Variants in ZRANB3 observed in about 807,000 individuals in gnomAD.
The protein encoded by ZRANB3 is zinc finger RANBP2-type containing 3, also known as DNA annealing helicase and endonuclease ZRANB3.
A neutral mutation model predicts 133.8 loss-of-function variants in ZRANB3; 125 were observed. The ratio of observed to expected loss-of-function variants is 0.93; its 90% CI spans 0.81 to 1.08. ZRANB3 has a LOEUF of 1.08. Ranked by LOEUF, ZRANB3 falls within the 50% of genes least tolerant of loss-of-function variation. The pLI is 0.00. For missense variants in ZRANB3, 1,229 were observed against 1,275.5 expected, an observed-to-expected ratio of 0.96 and a Z score of 0.56; for synonymous variants, 387 against 432.7, an observed-to-expected ratio of 0.89 and a Z score of 1.31.
intron 6 of ZRANB3, among the ~76,000 whole-genome samples, chr2:135,318,327 C>A (rs1022360935): frequency 2.7e-5 from 4 of 147,832 alleles, no homozygotes; most frequent in African/African-American, 1.0e-4. Context: ...TAGGTTTTGG[C>A]CTTTATTTTT....
At chr2:135,347,921 G>C (rs1229813084) in intron 5 of ZRANB3, among the ~76,000 whole-genome samples, 1 of 152,008 alleles carries the variant, frequency 6.6e-6, no homozygotes, top group Non-Finnish European at 1.5e-5. Context: ...AAAAGTAAGA[G>C]CAAACAACCC....
At chr2:135,433,416 A>C (rs1465935392) in intron 2 of ZRANB3, among the ~76,000 whole-genome samples, 1 of 152,122 alleles carries the variant, frequency 6.6e-6, no homozygotes, top group Non-Finnish European at 1.5e-5. Context: ...AAAAACAGCA[A>C]AGAAATCAAA....
At chr2:135,455,379 G>A (rs1243930069) in intron 2 of ZRANB3, among the ~76,000 whole-genome samples, 5 of 150,746 alleles carry the variant, frequency 3.3e-5, no homozygotes, top group Admixed American at 2.6e-4. Context: ...CTAGAGACGG[G>A]GTTTCGCCAC....
At position 135,417,463 on chromosome 2, in the gene ZRANB3, A is replaced by T. The variant is rs530025289; in HGVS notation, c.162-26643T>A. ...AATCATTAAAAAGTCAGGAAACAAC[A>T]AGTGCTGGAGAGGATGTGGAGAAAT... On this transcript the variant is annotated intron_variant, in intron 2 of 20. Transcript: ENST00000264159. 1.5e-4 allele frequency among the ~76,000 whole-genome samples: 23 copies of T among 152,152 alleles called. No homozygotes were observed. In the East Asian group the frequency reaches 4.3e-3, roughly 28 times the overall value.
chr2:135,314,847 C>T (rs1683179044), intron 7 of ZRANB3, among the ~76,000 whole-genome samples: 1 of 151,590 alleles, frequency 6.6e-6, no homozygotes, highest in African/African-American at 2.4e-5. Flanking sequence ...CTCCTGGGTT[C>T]AAGCTGATTC....
intron 6 of ZRANB3, among the ~76,000 whole-genome samples, chr2:135,328,083 T>A (rs1316372365): frequency 6.6e-6 from 1 of 152,098 alleles, no homozygotes; most frequent in African/African-American, 2.4e-5. Context: ...ATTATTATTA[T>A]ACTTTAAGTT....
At chr2:135,338,927 T>C (rs1002208235) in intron 6 of ZRANB3, among the ~76,000 whole-genome samples, 1 of 152,196 alleles carries the variant, frequency 6.6e-6, no homozygotes, top group Non-Finnish European at 1.5e-5. Flanking sequence ...TTTTAATTGC[T>C]AGAATAAATG....
chr2:135,362,660 T>A (rs1332531247), intron 3 of ZRANB3, among the ~76,000 whole-genome samples: 1 of 152,128 alleles, frequency 6.6e-6, no homozygotes, highest in Non-Finnish European at 1.5e-5. Context: ...TGCCCCTTTT[T>A]ATTTTTTTTC....
intron 2 of ZRANB3, among the ~76,000 whole-genome samples, chr2:135,423,409 G>A (rs372202135): frequency 5.3e-5 from 8 of 152,202 alleles, no homozygotes; most frequent in East Asian, 3.9e-4. Context: ...CTAGCCTGGC[G>A]ACAAAGTGAG....
intron 8 of ZRANB3, among the ~76,000 whole-genome samples, chr2:135,301,189 T>A (rs112900217): frequency 0.059 from 8,914 of 150,890 alleles, 746 homozygotes; most frequent in African/African-American, 0.19. Flanking sequence ...ATGTTTATTT[T>A]TTTTTTTTTT....
chr2:135,461,009 G>A (rs574955311), intron 2 of ZRANB3, among the ~76,000 whole-genome samples: 10 of 152,212 alleles, frequency 6.6e-5, no homozygotes, highest in Non-Finnish European at 1.2e-4. Flanking sequence ...AACCATAGTA[G>A]CTATCAGGTG....
intron 1 of ZRANB3, among the ~76,000 whole-genome samples, chr2:135,524,798 A>C (rs970601288): frequency 1.6e-4 from 24 of 152,160 alleles, no homozygotes; most frequent in African/African-American, 5.3e-4. Context: ...GAATATGATA[A>C]AATTATATTT....
rs555662250 is a variant in ZRANB3, at chr2:135,324,085, TTTA to T, written c.678-8558_678-8556del. Among the ~76,000 whole-genome samples the T allele has an allele frequency of 1.4e-4, 21 of 152,050 alleles. 1 individual carries two copies. Among genetic ancestry groups the T allele is most frequent in the African/African-American group, 4.3e-4 (18 of 41,508 alleles). ...TGTCTGGCCCTCATCTTGATTTTTT[TTTA>T]TTATTATTATACTTTAAGTTCTAGG... is the stretch of plus-strand genomic sequence containing the variant. On this transcript the variant is annotated intron_variant, in intron 6 of 20. Coordinates refer to ENST00000264159, the MANE Select transcript of ZRANB3 (RefSeq NM_032143.4).
At chr2:135,389,965 C>T (rs1687152626) in intron 3 of ZRANB3, among the ~76,000 whole-genome samples, 1 of 141,994 alleles carries the variant, frequency 7.0e-6, no homozygotes, top group Non-Finnish European at 1.5e-5. Flanking sequence ...ACTGCAAGCT[C>T]TGCCTCCTGG....
intron 1 of ZRANB3, among the ~76,000 whole-genome samples, chr2:135,518,789 G>A (rs1693802280): frequency 6.6e-6 from 1 of 152,260 alleles, no homozygotes; most frequent in East Asian, 1.9e-4. Context: ...GATGTCATAT[G>A]CCACATTTTC....
chr2:135,271,998 T>C, intron 9 of ZRANB3, 111 bp from the exon 10 acceptor site: 1 of 1,194,838 alleles, frequency 8.4e-7, no homozygotes, highest in Non-Finnish European at 1.1e-6. Context: ...GGAACTTGGT[T>C]AAGGTGACAG....
intron 2 of ZRANB3, among the ~76,000 whole-genome samples, chr2:135,503,481 G>A (rs1361961028): frequency 6.6e-6 from 1 of 152,156 alleles, no homozygotes; most frequent in African/African-American, 2.4e-5. Flanking sequence ...TATGATATAT[G>A]TGACTGTGGA....
Position 135,219,140 on chromosome 2 carries a change from A to G in ZRANB3, c.2289T>C (p.Asp763=). Residue 763 remains aspartate (D), a synonymous_variant, in exon 16 of 21, where the codon GAT becomes GAC. Coordinates refer to ENST00000264159, the MANE Select transcript of ZRANB3 (RefSeq NM_032143.4). ...KQMSCNFIPL[D]IKLDLWEDLP... ...AATCTTCCCAAAGGTCTAATTTTAT[A>G]TCCAGAGGAATGAAATTACAGCTCA... 1 of 1,539,260 alleles carries G rather than the reference A, an allele frequency of 6.5e-7. No homozygotes were observed. Among genetic ancestry groups the G allele is most frequent in the South Asian group, 1.3e-5 (1 of 78,248 alleles).
chr2:135,362,354 G>A (rs1466465690), intron 3 of ZRANB3, among the ~76,000 whole-genome samples: 2 of 152,206 alleles, frequency 1.3e-5, no homozygotes, highest in African/African-American at 4.8e-5. Flanking sequence ...TTTGGGAACT[G>A]TGCTATCACT....
Sources: gnomAD v4.1 joint callset for allele counts (sites outside exome capture counted in the v4.1 genomes callset) on GRCh38, gnomAD v4.1.1 for gene constraint, MANE v1.5 for transcripts, NCBI Gene and HGNC (gene_info 2026-07-23, HGNC 2026-07-21) for gene names.